The following CTNND2 variants were observed in gnomAD, a reference collection of about 807,000 sequenced individuals.
The protein encoded by CTNND2 is catenin delta-2.
A neutral mutation model predicts 144.4 loss-of-function variants in CTNND2; 22 were observed. The ratio of observed to expected loss-of-function variants is 0.15; its 90% CI spans 0.11 to 0.22. The LOEUF is 0.22. Ranked by LOEUF, CTNND2 falls within the 10% of genes least tolerant of loss-of-function variation. CTNND2 has a pLI of 1.00. For missense variants in CTNND2, 1,353 were observed against 1,618.8 expected (o/e 0.84, Z 2.82); for synonymous variants, 751 against 695.6 (o/e 1.08, Z -1.25).
rs372060264 is a variant in CTNND2, at chr5:11,223,119, CAT to C, written c.1761+13570_1761+13571del. ...AGGTGGCTGAAGCTCTCTGCCACCCCATATCTTTGCATCTTTGGCCCTACATC... is the reference window on the plus strand; with the variant it reads ...AGGTGGCTGAAGCTCTCTGCCACCCCATCTTTGCATCTTTGGCCCTACATC... On this transcript the variant is annotated intron_variant, in intron 10 of 21. Transcript: ENST00000304623. Among the ~76,000 whole-genome samples the C allele has an allele frequency of 2.0e-3, 305 of 152,288 alleles. 1 individual carries two copies. Among genetic ancestry groups the C allele is most frequent in the African/African-American group, 7.0e-3 (291 of 41,556 alleles).
At chr5:11,710,772 C>T (rs1350347654) in intron 2 of CTNND2, among the ~76,000 whole-genome samples, 5 of 152,170 alleles carry the variant, frequency 3.3e-5, no homozygotes, top group Non-Finnish European at 7.3e-5. Flanking sequence ...CCGGGCAGTG[C>T]ACCACTACAG....
intron 5 of CTNND2, among the ~76,000 whole-genome samples, chr5:11,406,827 C>CTT (rs10710380): frequency 6.6e-6 from 1 of 151,430 alleles, no homozygotes; most frequent in African/African-American, 2.4e-5. Context: ...ATAATATGTA[C>CTT]TTTTTTTTAA....
intron 9 of CTNND2, among the ~76,000 whole-genome samples, chr5:11,306,751 A>T (rs1360758820): frequency 6.6e-6 from 1 of 152,234 alleles, no homozygotes; most frequent in East Asian, 1.9e-4. Context: ...TTGTTGAGTC[A>T]AGATGCCAAA....
At chr5:11,236,896 G>A (rs892716713) in intron 9 of CTNND2, 73 bp from the exon 10 acceptor site, 33 of 1,519,464 alleles carry the variant, frequency 2.2e-5, no homozygotes, top group African/African-American at 5.5e-5. Context: ...TGGTTAGCTC[G>A]TGTATGAAAT....
intron 3 of CTNND2, among the ~76,000 whole-genome samples, chr5:11,476,146 C>CAGGTATGAA (rs1767724950): frequency 6.6e-6 from 1 of 151,574 alleles, no homozygotes; most frequent in Admixed American, 6.6e-5. Context: ...GCTGGGATTA[C>CAGGTATGAA]AGGTATGAAC....
chr5:11,179,865 C>G (rs187966008), intron 11 of CTNND2, among the ~76,000 whole-genome samples: 1 of 152,164 alleles, frequency 6.6e-6, no homozygotes, highest in Non-Finnish European at 1.5e-5. Flanking sequence ...TTACATTAAC[C>G]TTTTAATATT....
intron 9 of CTNND2, among the ~76,000 whole-genome samples, chr5:11,306,950 T>C (rs549987720): frequency 7.9e-5 from 12 of 152,272 alleles, no homozygotes; most frequent in African/African-American, 2.4e-4. Context: ...AGCATGCTCA[T>C]GGTCTCAGTG....
chr5:11,238,613 A>G (rs963099641), intron 9 of CTNND2, among the ~76,000 whole-genome samples: 13 of 152,226 alleles, frequency 8.5e-5, no homozygotes, highest in African/African-American at 3.1e-4. Flanking sequence ...CTTCGTTTTT[A>G]TTGGAAAGAT....
chr5:11,876,105 G>C (rs1185685734), intron 1 of CTNND2, among the ~76,000 whole-genome samples: 1 of 152,150 alleles, frequency 6.6e-6, no homozygotes, highest in African/African-American at 2.4e-5. Context: ...ATACAAAGAA[G>C]TGGAAGACAC....
chr5:11,078,698 T>C (rs1749210882), intron 16 of CTNND2, among the ~76,000 whole-genome samples: 1 of 152,206 alleles, frequency 6.6e-6, no homozygotes, highest in African/African-American at 2.4e-5. Flanking sequence ...CTATTGATTT[T>C]TTTCTCCATT....
intron 1 of CTNND2, among the ~76,000 whole-genome samples, chr5:11,760,759 A>G (rs1789212564): frequency 6.7e-6 from 1 of 150,168 alleles, no homozygotes; most frequent in African/African-American, 2.5e-5. Flanking sequence ...ACACATGTAC[A>G]ATTAAGTTAA....
intron 3 of CTNND2, among the ~76,000 whole-genome samples, chr5:11,533,594 T>C (rs1325972223): frequency 6.6e-6 from 1 of 152,232 alleles, no homozygotes; most frequent in African/African-American, 2.4e-5. Flanking sequence ...CTTTCCATGG[T>C]AGCCCATGAA....
intron 1 of CTNND2, among the ~76,000 whole-genome samples, chr5:11,889,404 G>C (rs1736796503): frequency 6.6e-6 from 1 of 152,186 alleles, no homozygotes; most frequent in African/African-American, 2.4e-5. Context: ...AATGCTCCAA[G>C]AGAGAAACAA....
At chr5:11,711,453 T>C (rs914938916) in intron 2 of CTNND2, among the ~76,000 whole-genome samples, 24 of 152,330 alleles carry the variant, frequency 1.6e-4, no homozygotes, top group African/African-American at 5.5e-4. Flanking sequence ...CACTTACATA[T>C]AGAAATGTAC....
Position 11,410,332 on chromosome 5 carries a change from A to G in CTNND2, c.439+1204T>C, listed in dbSNP as rs192892622. ...ACACAGCAATGTTATCCTAACAGTA[A>G]TGGTATTACAAAGATTATAGAGAAA... On this transcript the variant is annotated intron_variant, in intron 5 of 21. Coordinates refer to ENST00000304623, the MANE Select transcript of CTNND2 (RefSeq NM_001332.4). 5.9e-5 allele frequency among the ~76,000 whole-genome samples: 9 copies of G among 152,314 alleles called. No homozygotes were observed. In the East Asian group the frequency reaches 1.7e-3, roughly 29 times the overall value.
intron 9 of CTNND2, among the ~76,000 whole-genome samples, chr5:11,238,998 C>G (rs61750724): frequency 2.6e-4 from 40 of 152,252 alleles, no homozygotes; most frequent in African/African-American, 5.5e-4. Context: ...TAAAAGTAGC[C>G]CTCTAGAATT....
chr5:11,401,757 C>T (rs1444487396), intron 5 of CTNND2, among the ~76,000 whole-genome samples: 1 of 152,090 alleles, frequency 6.6e-6, no homozygotes, highest in African/African-American at 2.4e-5. Flanking sequence ...CACAGTTACT[C>T]GTGGGCCTGG....
chr5:11,562,842 A>C (rs191714786), intron 3 of CTNND2, among the ~76,000 whole-genome samples: 8 of 152,350 alleles, frequency 5.3e-5, no homozygotes, highest in African/African-American at 1.9e-4. Flanking sequence ...GGTTTTAAGA[A>C]GGTATCAGGT....
At chr5:11,818,104 T>C in intron 1 of CTNND2, among the ~76,000 whole-genome samples, 1 of 147,152 alleles carries the variant, frequency 6.8e-6, no homozygotes, top group Admixed American at 6.9e-5. Context: ...TGCTTACTAA[T>C]ACGACAGTGC....
Sources: allele counts gnomAD v4.1 joint callset (sites outside exome capture counted in the v4.1 genomes callset), GRCh38; gene constraint gnomAD v4.1.1; transcripts MANE v1.5; gene names NCBI Gene and HGNC (gene_info 2026-07-23, HGNC 2026-07-21).